CFAP46: variants seen among roughly 807,000 people sequenced by gnomAD.
CFAP46 encodes the protein cilia and flagella associated protein 46.
Under a neutral mutation model 325.7 loss-of-function variants are expected in CFAP46, and 245 were observed. The observed-to-expected ratio is 0.75, with a 90% CI of 0.68 to 0.84. CFAP46 has a LOEUF of 0.84. Ranked by LOEUF, CFAP46 falls within the 40% of genes least tolerant of loss-of-function variation. The pLI, the probability that CFAP46 is intolerant of heterozygous loss-of-function variation, is 0.00. For missense variants in CFAP46, 3,346 were observed against 3,543.0 expected (o/e 0.94, Z 1.41); for synonymous variants, 1,523 against 1,495.9 (o/e 1.02, Z -0.42).
intron 56 of CFAP46, 164 bp downstream of exon 56, chr10:132,810,786 C>T: frequency 1.3e-6 from 1 of 768,906 alleles, no homozygotes; most frequent in Non-Finnish European, 2.2e-6. Flanking sequence ...CCTCCCCATG[C>T]ACAGCCACAC....
In CFAP46 at chr10:132,942,522, C is replaced by G; in HGVS notation, c.-38G>C. The G allele has an allele frequency of 8.0e-7, 1 of 1,254,410 alleles. No homozygotes were observed. Among genetic ancestry groups the G allele is most frequent in the South Asian group, 3.4e-5 (1 of 29,830 alleles). 77.7% of individuals were successfully genotyped at this position (1,254,410 alleles called of 1,614,324 possible). On this transcript the variant is annotated 5_prime_UTR_variant, in exon 1 of 58. Coordinates refer to ENST00000368586, the MANE Select transcript of CFAP46 (RefSeq NM_001200049.3). ...CTGCTCGTCCGCTCTCTCCGGGGTC[C>G]GCGGTGCGTCCTGCCGCCCACTGTC...
At chr10:132,860,288 T>C (rs1478812848) in intron 37 of CFAP46, 129 bp downstream of exon 37, 2 of 648,070 alleles carry the variant, frequency 3.1e-6, no homozygotes, top group Admixed American at 5.3e-5. Context: ...CGGAAAGCTG[T>C]GGATATGTGG....
intron 57 of CFAP46, among the ~76,000 whole-genome samples, chr10:132,809,189 G>T (rs1847529410): frequency 6.6e-6 from 1 of 152,226 alleles, no homozygotes; most frequent in South Asian, 2.1e-4. Context: ...TCTGCTGGGG[G>T]GGCGCCCGTC....
chr10:132,934,664 G>A (rs1429087315), intron 8 of CFAP46, 88 bp downstream of exon 8: 2 of 939,340 alleles, frequency 2.1e-6, no homozygotes, highest in African/African-American at 3.3e-5. Context: ...CTAGTTGCTT[G>A]TTTTACATTT....
Position 132,899,077 on chromosome 10 carries a change from G to A in CFAP46, c.3101C>T (p.Ala1034Val), listed in dbSNP as rs564141661. The A allele has an allele frequency of 1.1e-4, 165 of 1,550,426 alleles. No homozygotes were observed. The African/African-American group carries it at 1.8e-3, about 17-fold the overall frequency. Residue 1034 changes from alanine (A) to valine (V), a missense_variant, in exon 24 of 58, where the codon GCG becomes GTG. Ala to Val is a moderately conservative substitution (Grantham distance 64). Transcript: ENST00000368586. ...AGSSALVMLA[A>V]RHYWNAWLPL... is the part of the protein sequence containing the mutation. ...GAGCCAGGCGTTCCAGTAATGCCGC[G>A]CGGCCAGCATCACCAGGGCGCTGCT...
intron 47 of CFAP46, 41 bp downstream of exon 47, chr10:132,835,263 G>C (rs764300058): frequency 6.2e-7 from 1 of 1,603,504 alleles, no homozygotes; most frequent in Non-Finnish European, 8.5e-7. Context: ...GTGGGGAGCA[G>C]AGGGTCCCGG....
chr10:132,920,323 C>T lies in CFAP46; in HGVS notation c.1607-141G>A, dbSNP rs2135596752. 5.4e-6 allele frequency: 6 copies of T among 1,102,168 alleles called. No individual in the cohort carries two copies. In the South Asian group the frequency reaches 1.0e-4, roughly 19 times the overall value. 68.3% of individuals were successfully genotyped at this position (1,102,168 alleles called of 1,614,324 possible). A position where few individuals can be genotyped will look rare whatever the true frequency, so the allele number is the denominator to read the frequency against. On this transcript the variant is annotated intron_variant, in intron 13 of 57. Transcript: ENST00000368586. ...TCCAGGGGCCCTAGATCCCCGGCTC[C>T]CAGAAGCCGAGCTCCTCACAGAGCT... is the stretch of plus-strand genomic sequence containing the variant.
chr10:132,913,359 A>T, intron 17 of CFAP46, 101 bp from the exon 18 acceptor site: 14 of 531,018 alleles, frequency 2.6e-5, no homozygotes, highest in Middle Eastern at 3.3e-4. Context: ...GCTGCAGGGC[A>T]AGAAGTGGGA....
At chr10:132,839,270 G>T (rs895205811) in intron 44 of CFAP46, among the ~76,000 whole-genome samples, 2 of 152,208 alleles carry the variant, frequency 1.3e-5, no homozygotes, top group South Asian at 2.1e-4. Flanking sequence ...GCCACAGGGG[G>T]GTGGCGCAGC....
intron 50 of CFAP46, among the ~76,000 whole-genome samples, chr10:132,821,405 T>G (rs1847821172): frequency 7.7e-6 from 1 of 130,532 alleles, no homozygotes. Context: ...GTGTGTGTGC[T>G]GTGTGCTGTG....
chr10:132,843,692 G>A (rs4880442), intron 44 of CFAP46, among the ~76,000 whole-genome samples: 4 of 123,294 alleles, frequency 3.2e-5, no homozygotes, highest in Non-Finnish European at 6.8e-5. Context: ...TGGGGCTGCT[G>A]CTGGTGGGTG....
In CFAP46 at chr10:132,869,782, C is replaced by T. The variant is rs764609376; in HGVS notation, c.4512-410G>A. Among the ~76,000 whole-genome samples the T allele has an allele frequency of 2.0e-5, 3 of 152,142 alleles. No homozygotes were observed. The highest frequency in any genetic ancestry group is 4.4e-5 in the Non-Finnish European group (3 of 68,030). On this transcript the variant is annotated intron_variant, in intron 32 of 57. Coordinates refer to ENST00000368586, the MANE Select transcript of CFAP46 (RefSeq NM_001200049.3). This position sits in a 1 kb window ranked among gnomAD's most constrained non-coding sequence, Gnocchi z 6.2. ...CCAGGAAGCATCCCTGTGCGGGCCC[C>T]GGTGGTCCCTCTTAGCCCCGTGACC...
chr10:132,866,090 G>A lies in CFAP46; in HGVS notation c.4825C>T (p.Leu1609=), dbSNP rs1445249259. The A allele has an allele frequency of 1.3e-5, 20 of 1,547,038 alleles. No individual in the cohort carries two copies. The highest frequency in any genetic ancestry group is 1.6e-5 in the Non-Finnish European group (18 of 1,145,298). The change falls in exon 35 of 58, where the codon CTG becomes TTG. Residue 1609 remains leucine (L), a synonymous_variant. Coordinates refer to ENST00000368586, the MANE Select transcript of CFAP46 (RefSeq NM_001200049.3). ...GGCTGGTACAGGTTCATCTCCAGCA[G>A]AACTTCTGCCTTCAGCATCCACAGG... ...PHLWMLKAEV[L]LEMNLYQPAR... is the part of the protein sequence containing the mutation.
intron 11 of CFAP46, among the ~76,000 whole-genome samples, chr10:132,923,894 C>T (rs777947074): frequency 6.6e-6 from 1 of 152,088 alleles, no homozygotes; most frequent in African/African-American, 2.4e-5. Flanking sequence ...GTCGAGAAAC[C>T]AAGAAGCCAA....
intron 50 of CFAP46, among the ~76,000 whole-genome samples, chr10:132,824,739 T>C (rs1403900307): frequency 1.2e-4 from 11 of 95,522 alleles, no homozygotes; most frequent in South Asian, 4.1e-4. Flanking sequence ...GCTGTGTGTG[T>C]GCTGTGTGCT....
chr10:132,908,083 T>TG (rs1849482829), intron 22 of CFAP46, among the ~76,000 whole-genome samples: 2 of 152,252 alleles, frequency 1.3e-5, no homozygotes, highest in South Asian at 4.1e-4. Context: ...GAGGCCCACG[T>TG]GACTTCAGAA....
intron 40 of CFAP46, among the ~76,000 whole-genome samples, 193 bp downstream of exon 40, chr10:132,850,924 T>C (rs1342127715): frequency 6.6e-6 from 1 of 152,132 alleles, no homozygotes; most frequent in Non-Finnish European, 1.5e-5. Context: ...GGGACCTCGA[T>C]TTCATGAGCC....
At chr10:132,898,869 T>G (rs1289500533) in intron 24 of CFAP46, 90 bp downstream of exon 24, 1 of 1,480,150 alleles carries the variant, frequency 6.8e-7, no homozygotes, top group South Asian at 1.2e-5. Context: ...CTGTGGGGTC[T>G]GTCTTTCTTT....
intron 44 of CFAP46, among the ~76,000 whole-genome samples, chr10:132,837,236 C>T (rs986565667): frequency 6.6e-6 from 1 of 152,232 alleles, no homozygotes; most frequent in African/African-American, 2.4e-5. Flanking sequence ...AATTCTCCAG[C>T]GCCGCCTCTG....
Sources: gnomAD v4.1 joint callset for allele counts (sites outside exome capture counted in the v4.1 genomes callset) on GRCh38, gnomAD v4.1.1 for gene constraint, Gnocchi (gnomAD v3.1) non-coding constraint, MANE v1.5 for transcripts, NCBI Gene and HGNC (gene_info 2026-07-23, HGNC 2026-07-21) for gene names.